Variants in C1orf87 observed in about 807,000 individuals in gnomAD.
C1orf87 encodes the protein uncharacterized protein C1orf87.
A neutral mutation model predicts 60.5 loss-of-function variants in C1orf87; 58 were observed. The ratio of observed to expected loss-of-function variants is 0.96; its 90% CI spans 0.78 to 1.19. The LOEUF is 1.19. C1orf87 is among the 50% of genes most tolerant of loss of function. The pLI, the probability that C1orf87 is intolerant of heterozygous loss-of-function variation, is 0.00. For missense variants in C1orf87, 673 were observed against 638.6 expected (o/e 1.05, Z -0.58); for synonymous variants, 236 against 227.4 (o/e 1.04, Z -0.34).
At chr1:60,022,769 T>C (rs926692002) in intron 8 of C1orf87, among the ~76,000 whole-genome samples, 1 of 152,002 alleles carries the variant, frequency 6.6e-6, no homozygotes, top group African/African-American at 2.4e-5. Flanking sequence ...TTGAGGCTAT[T>C]AATAAGCAAA....
chr1:59,990,947 C>T (rs1644917814), intron 11 of C1orf87, 114 bp from the exon 12 acceptor site: 12 of 992,828 alleles, frequency 1.2e-5, no homozygotes, highest in Non-Finnish European at 1.7e-5. Flanking sequence ...TAATACTTTG[C>T]AATTTTAAGC....
At chr1:60,021,581 C>T (rs1645163491) in intron 8 of C1orf87, among the ~76,000 whole-genome samples, 1 of 152,088 alleles carries the variant, frequency 6.6e-6, no homozygotes, top group African/African-American at 2.4e-5. Flanking sequence ...GTATCCCCAA[C>T]CCCCAATTCA....
At chr1:59,997,367 G>T (rs1211685355) in intron 11 of C1orf87, among the ~76,000 whole-genome samples, 1 of 152,078 alleles carries the variant, frequency 6.6e-6, no homozygotes, top group African/African-American at 2.4e-5. Flanking sequence ...TTGGATTGTG[G>T]GTTTACTTTT....
chr1:60,031,643 A>G (rs1645238464), intron 7 of C1orf87, among the ~76,000 whole-genome samples: 1 of 152,162 alleles, frequency 6.6e-6, no homozygotes, highest in Admixed American at 6.5e-5. Flanking sequence ...GCCTTCACAT[A>G]TTTATTTTAT....
intron 6 of C1orf87, among the ~76,000 whole-genome samples, chr1:60,035,945 C>A (rs1274864434): frequency 6.6e-6 from 1 of 152,174 alleles, no homozygotes; most frequent in Non-Finnish European, 1.5e-5. Flanking sequence ...TAGGTATCAG[C>A]AAAGGCTTTC....
chr1:59,996,087 A>G (rs1270781454), intron 11 of C1orf87, among the ~76,000 whole-genome samples: 2 of 152,134 alleles, frequency 1.3e-5, no homozygotes, highest in Non-Finnish European at 2.9e-5. Context: ...TGGTATAATT[A>G]TTAAGAGTCC....
At chr1:60,061,894 T>C (rs1645499489) in intron 2 of C1orf87, among the ~76,000 whole-genome samples, 1 of 150,346 alleles carries the variant, frequency 6.7e-6, no homozygotes, top group Non-Finnish European at 1.5e-5. Context: ...CAGGCTGCAA[T>C]GAGCTACAAT....
intron 2 of C1orf87, among the ~76,000 whole-genome samples, chr1:60,069,204 T>A (rs1430508605): frequency 6.6e-6 from 1 of 152,100 alleles, no homozygotes; most frequent in Non-Finnish European, 1.5e-5. Flanking sequence ...GTCATTAAAT[T>A]TTTATTTTAG....
intron 10 of C1orf87, among the ~76,000 whole-genome samples, chr1:59,998,842 A>G (rs1644981709): frequency 6.6e-6 from 1 of 152,166 alleles, no homozygotes; most frequent in South Asian, 2.1e-4. Context: ...GAAAAAAGAT[A>G]TAGGAAGTCT....
chr1:60,000,493 G>A (rs752534989), intron 10 of C1orf87, among the ~76,000 whole-genome samples: 3 of 152,050 alleles, frequency 2.0e-5, no homozygotes, highest in Non-Finnish European at 4.4e-5. Flanking sequence ...GATGAATTAT[G>A]TTCTAATCCG....
chr1:59,996,906 GTAA>G (rs1644967176), intron 11 of C1orf87, among the ~76,000 whole-genome samples: 1 of 152,136 alleles, frequency 6.6e-6, no homozygotes, highest in African/African-American at 2.4e-5. Flanking sequence ...TGGTGAGATA[GTAA>G]TAAGCCCCCA....
intron 9 of C1orf87, among the ~76,000 whole-genome samples, chr1:60,006,371 A>T (rs972884425): frequency 1.3e-5 from 2 of 152,198 alleles, no homozygotes; most frequent in East Asian, 3.9e-4. Context: ...AAACCAATTG[A>T]GTTTGCTTTT....
At chr1:60,017,033 A>T (rs1645128734) in intron 8 of C1orf87, among the ~76,000 whole-genome samples, 1 of 152,210 alleles carries the variant, frequency 6.6e-6, no homozygotes, top group Admixed American at 6.5e-5. Context: ...CCTACATTTG[A>T]CTTAGCCTTA....
intron 11 of C1orf87, among the ~76,000 whole-genome samples, chr1:59,993,233 T>TAAATACAA (rs1278117801): frequency 7.3e-6 from 1 of 136,400 alleles, no homozygotes; most frequent in African/African-American, 3.6e-5. Flanking sequence ...AATAAATAAA[T>TAAATACAA]AAATACATAA....
chr1:60,042,683 A>T (rs901117007), intron 3 of C1orf87, among the ~76,000 whole-genome samples: 1 of 152,226 alleles, frequency 6.6e-6, no homozygotes, highest in Non-Finnish European at 1.5e-5. Context: ...GGTAGGTAGT[A>T]CTAGCAACCT....
At chr1:60,015,743 T>A (rs1645120372) in intron 8 of C1orf87, among the ~76,000 whole-genome samples, 1 of 152,140 alleles carries the variant, frequency 6.6e-6, no homozygotes, top group African/African-American at 2.4e-5. Flanking sequence ...TTAACTCAGT[T>A]ATCACTTCTT....
At chr1:60,025,614 A>G in intron 7 of C1orf87, 116 bp from the exon 8 acceptor site, 1 of 794,708 alleles carries the variant, frequency 1.3e-6, no homozygotes, top group Non-Finnish European at 1.9e-6. Flanking sequence ...TTATTTTGAC[A>G]AAGAATTAAT....
chr1:60,050,973 C>A (rs564537494), intron 3 of C1orf87, among the ~76,000 whole-genome samples: 1 of 152,026 alleles, frequency 6.6e-6, no homozygotes, highest in Non-Finnish European at 1.5e-5. Flanking sequence ...GGAAATCAGA[C>A]GATAATGCTT....
At chr1:60,055,526 T>C in intron 2 of C1orf87, 88 bp from the exon 3 acceptor site, 2 of 1,154,888 alleles carry the variant, frequency 1.7e-6, no homozygotes, top group South Asian at 2.7e-5. Context: ...GTGTTTGGTG[T>C]TGTGAACAGT....
Sources: gnomAD v4.1 joint callset for allele counts (sites outside exome capture counted in the v4.1 genomes callset) on GRCh38, gnomAD v4.1.1 for gene constraint, MANE v1.5 for transcripts, NCBI Gene and HGNC (gene_info 2026-07-23, HGNC 2026-07-21) for gene names.